The following DPP10 variants were observed in gnomAD, a reference collection of about 807,000 sequenced individuals.
DPP10 encodes the protein dipeptidyl peptidase like 10.
DPP10 carries 33 observed loss-of-function variants against 120.9 expected under a neutral mutation model. That is an observed-to-expected ratio of 0.27 (90% CI 0.21 to 0.37). The LOEUF (loss-of-function observed/expected upper bound fraction) is 0.37. DPP10 is among the 10% of genes least tolerant of loss of function. DPP10 has a pLI of 1.00. For missense variants in DPP10, 816 were observed against 942.8 expected (o/e 0.87, Z 1.76); for synonymous variants, 337 against 326.1 (o/e 1.03, Z -0.36).
intron 1 of DPP10, among the ~76,000 whole-genome samples, chr2:114,803,746 A>T (rs1001515969): frequency 6.6e-5 from 10 of 152,074 alleles, no homozygotes; most frequent in Non-Finnish European, 1.5e-5. Flanking sequence ...TGACTTGGGT[A>T]CTGTTAAAGG....
At chr2:114,748,084 CATTTT>C (rs1463594983) in intron 1 of DPP10, among the ~76,000 whole-genome samples, 1 of 151,972 alleles carries the variant, frequency 6.6e-6, no homozygotes, top group African/African-American at 2.4e-5. Context: ...TTTTATCTGT[CATTTT>C]TATTTTATTT....
At chr2:115,049,428 A>G (rs964618625) in intron 1 of DPP10, among the ~76,000 whole-genome samples, 1 of 152,280 alleles carries the variant, frequency 6.6e-6, no homozygotes, top group Non-Finnish European at 1.5e-5. Flanking sequence ...AAAACGATCT[A>G]CTTTATAGCC....
At chr2:114,998,355 T>C (rs1414304830) in intron 1 of DPP10, among the ~76,000 whole-genome samples, 1 of 152,196 alleles carries the variant, frequency 6.6e-6, no homozygotes, top group Non-Finnish European at 1.5e-5. Flanking sequence ...TTTGACATAT[T>C]GCTTCAAACT....
chr2:115,005,192 G>A (rs910880278), intron 1 of DPP10, among the ~76,000 whole-genome samples: 12 of 152,002 alleles, frequency 7.9e-5, no homozygotes, highest in African/African-American at 2.9e-4. Flanking sequence ...AAACAGAAAG[G>A]ACATCCACAC....
At chr2:115,240,446 G>A (rs766532396) in intron 1 of DPP10, among the ~76,000 whole-genome samples, 3 of 151,918 alleles carry the variant, frequency 2.0e-5, no homozygotes, top group Non-Finnish European at 4.4e-5. Context: ...TTTTTGATGG[G>A]GTTGTTTGTT....
chr2:115,048,192 C>T (rs1393423571), intron 1 of DPP10, among the ~76,000 whole-genome samples: 6 of 152,028 alleles, frequency 3.9e-5, no homozygotes, highest in Non-Finnish European at 7.4e-5. Context: ...TAACCCTCTT[C>T]CCATCATCAG....
intron 1 of DPP10, among the ~76,000 whole-genome samples, chr2:114,783,770 G>T (rs1682532257): frequency 6.6e-6 from 1 of 151,904 alleles, no homozygotes; most frequent in African/African-American, 2.4e-5. Flanking sequence ...GGAGGTCTAG[G>T]CTGCAGTGAG....
At chr2:115,176,634 A>G (rs971331795) in intron 1 of DPP10, among the ~76,000 whole-genome samples, 1 of 152,162 alleles carries the variant, frequency 6.6e-6, no homozygotes, top group Admixed American at 6.6e-5. Context: ...CTTTTCTACA[A>G]AGGATAATAG....
At chr2:114,911,218 T>TTATAA (rs1694342428) in intron 1 of DPP10, among the ~76,000 whole-genome samples, 2 of 152,218 alleles carry the variant, frequency 1.3e-5, no homozygotes, top group African/African-American at 4.8e-5. Flanking sequence ...TCAATTTGTC[T>TTATAA]TTTATAAGTG....
At position 115,842,160 on chromosome 2, in the gene DPP10, G is replaced by T. The variant is rs1690216488; in HGVS notation, c.2257-51G>T. ...TAGGGCTCAGAAAATGAATGCGAGA[G>T]ACAATAGCTTCTTGGATAATTTGAA... On this transcript the variant is annotated intron_variant, in intron 25 of 25. Transcript: ENST00000410059. The T allele has an allele frequency of 2.6e-6, 4 of 1,514,628 alleles. No homozygotes were observed. In the East Asian group the frequency reaches 9.2e-5, roughly 35 times the overall value. The allele number at this position is 1,514,628 out of a possible 1,614,324, so 93.8% of individuals were successfully genotyped here. A position where few individuals can be genotyped will look rare whatever the true frequency, so the allele number is the denominator to read the frequency against.
chr2:114,833,078 G>T (rs1282284938), intron 1 of DPP10, among the ~76,000 whole-genome samples: 1 of 151,958 alleles, frequency 6.6e-6, no homozygotes, highest in African/African-American at 2.4e-5. Flanking sequence ...TTTTAGACTT[G>T]TGGATTAAAA....
chr2:115,382,045 G>A (rs1188711127), intron 3 of DPP10, among the ~76,000 whole-genome samples: 1 of 152,196 alleles, frequency 6.6e-6, no homozygotes, highest in African/African-American at 2.4e-5. Context: ...AGCCTACAGA[G>A]GCAGGCAGGC....
intron 1 of DPP10, among the ~76,000 whole-genome samples, chr2:114,788,639 T>C (rs1262677679): frequency 1.3e-5 from 2 of 152,128 alleles, no homozygotes; most frequent in Non-Finnish European, 2.9e-5. Context: ...GGAGAACATG[T>C]ACATTTCTAA....
intron 1 of DPP10, among the ~76,000 whole-genome samples, chr2:114,526,415 T>A (rs1262908529): frequency 6.6e-6 from 1 of 152,214 alleles, no homozygotes; most frequent in Non-Finnish European, 1.5e-5. Context: ...AATATCTGTA[T>A]TTATTCCTAA....
At chr2:115,731,269 A>T (rs1190990165) in intron 8 of DPP10, among the ~76,000 whole-genome samples, 1 of 152,008 alleles carries the variant, frequency 6.6e-6, no homozygotes, top group African/African-American at 2.4e-5. Context: ...GAGGCAGGAA[A>T]ATCGCTTGAA....
intron 1 of DPP10, among the ~76,000 whole-genome samples, chr2:115,229,041 T>C (rs1266253622): frequency 6.6e-6 from 1 of 152,186 alleles, no homozygotes; most frequent in East Asian, 1.9e-4. Context: ...CAGCACTTAT[T>C]ACTGCCTGTC....
intron 3 of DPP10, among the ~76,000 whole-genome samples, chr2:115,399,282 G>A (rs557019448): frequency 7.9e-5 from 12 of 152,150 alleles, no homozygotes; most frequent in Admixed American, 4.6e-4. Flanking sequence ...GAAGTATTGG[G>A]TGGATAATTA....
In DPP10 at chr2:115,746,130, G is replaced by A; in HGVS notation, c.897G>A (p.Leu299=). ...CAATAAAATTATATGTTGTAAACCT[G>A]TATGGACCAACTCACACTTTGGAGC... ...NPTIKLYVVN[L]YGPTHTLELM... is the part of the protein sequence containing the mutation. Residue 299 remains leucine (L), a synonymous_variant, in exon 10 of 26, where the codon CTG becomes CTA. Coordinates refer to ENST00000410059, the MANE Select transcript of DPP10 (RefSeq NM_020868.6). 1 of 1,612,540 alleles carries A rather than the reference G, an allele frequency of 6.2e-7. No individual in the cohort carries two copies. Among genetic ancestry groups the A allele is most frequent in the South Asian group, 1.1e-5 (1 of 90,720 alleles).
chr2:115,459,934 T>G (rs199950343), intron 3 of DPP10, among the ~76,000 whole-genome samples: 1 of 37,904 alleles, frequency 2.6e-5, no homozygotes, highest in Admixed American at 5.0e-4. Flanking sequence ...TTTATATATA[T>G]ATATACACAC....
Sources: gnomAD v4.1 joint callset for allele counts (sites outside exome capture counted in the v4.1 genomes callset) on GRCh38, gnomAD v4.1.1 for gene constraint, MANE v1.5 for transcripts, NCBI Gene and HGNC (gene_info 2026-07-23, HGNC 2026-07-21) for gene names.